Variants in ZRANB1 observed in about 807,000 individuals in gnomAD.
ZRANB1 encodes the protein ubiquitin thioesterase ZRANB1.
In ZRANB1, 16 loss-of-function variants were observed where a neutral mutation model predicts 80.5. That is an observed-to-expected ratio of 0.20 (90% CI 0.13 to 0.30). The LOEUF is 0.30. Ranked by LOEUF, ZRANB1 falls within the 10% of genes least tolerant of loss-of-function variation. The pLI, the probability that ZRANB1 is intolerant of heterozygous loss-of-function variation, is 1.00. For synonymous variants in ZRANB1, 291 were observed against 293.1 expected (o/e 0.99, Z 0.07); for missense variants, 576 against 862.6 (o/e 0.67, Z 4.16).
At position 124,984,921 on chromosome 10, in the gene ZRANB1, C is replaced by T. The variant is rs566345466; in HGVS notation, c.2056C>T (p.Arg686Cys). The T allele has an allele frequency of 6.2e-6, 10 of 1,613,750 alleles. No individual in the cohort carries two copies. The highest frequency in any genetic ancestry group is 3.3e-5 in the Admixed American group (2 of 59,966). ...TCAGATGGTAGAAAAATGGCTTGAC[C>T]GCTACCGACAGATCCGGCCGTGTAC... ...VTQMVEKWLD[R>C]YRQIRPCTSL... Residue 686 changes from arginine to cysteine, a missense_variant, in exon 9 of 9, where the codon CGC becomes TGC. Coordinates refer to ENST00000359653, the MANE Select transcript of ZRANB1 (RefSeq NM_017580.3).
chr10:124,954,368 C>G (rs1398639539), intron 1 of ZRANB1, among the ~76,000 whole-genome samples: 1 of 148,432 alleles, frequency 6.7e-6, no homozygotes, highest in African/African-American at 2.5e-5. Context: ...TAGTTTTGAA[C>G]ATTTAAAACC....
At position 124,985,634 on chromosome 10, in the gene ZRANB1, GGGTTTT is replaced by G. The variant is rs1402971866; in HGVS notation, c.*653_*658del. 2.2e-5 allele frequency: 3 copies of G among 139,468 alleles called. No individual in the cohort carries two copies. The highest frequency in any genetic ancestry group is 4.7e-5 in the Non-Finnish European group (3 of 63,430). The allele number at this position is 139,468 out of a possible 1,614,324, so 8.6% of individuals were successfully genotyped here. A position where few individuals can be genotyped will look rare whatever the true frequency, so the allele number is the denominator to read the frequency against. On this transcript the variant is annotated 3_prime_UTR_variant, in exon 9 of 9. Coordinates refer to ENST00000359653, the MANE Select transcript of ZRANB1 (RefSeq NM_017580.3). ...AGACATTGCTTACTTGTTTTGAAGA[GGGTTTT>G]GGTTTTGGTTATTGTGTCTTTAAGT...
At chr10:124,977,187 G>C (rs1044864420) in intron 5 of ZRANB1, among the ~76,000 whole-genome samples, 1 of 151,688 alleles carries the variant, frequency 6.6e-6, no homozygotes, top group African/African-American at 2.4e-5. Flanking sequence ...TGCCCAGGCT[G>C]GTCTTGAACT....
At chr10:124,934,509 G>A in the ZRANB1 span, among the ~76,000 whole-genome samples, 3 of 152,180 alleles carry the variant, frequency 2.0e-5, no homozygotes, top group African/African-American at 7.2e-5. Flanking sequence ...ACAGTGCTCT[G>A]GATGGTAGAC....
rs1177522002 is a variant in ZRANB1 at position 124,986,613 on chromosome 10, ATGC to A, written c.*1627_*1629del. 2.6e-5 allele frequency: 4 copies of A among 152,180 alleles called. No homozygotes were observed. The highest frequency in any genetic ancestry group is 7.2e-5 in the African/African-American group (3 of 41,444). The allele number at this position is 152,180 out of a possible 1,614,324, so 9.4% of individuals were successfully genotyped here. A position where few individuals can be genotyped will look rare whatever the true frequency, so the allele number is the denominator to read the frequency against. ...GAAATGAATCTTTGATATAATGTAA[ATGC>A]TGCTGTTTGTTTCAAGTGGTGAATG... On this transcript the variant is annotated 3_prime_UTR_variant, in exon 9 of 9. Transcript: ENST00000359653.
the ZRANB1 span, among the ~76,000 whole-genome samples, chr10:124,923,381 C>G: frequency 6.6e-6 from 1 of 151,746 alleles, no homozygotes. Context: ...ATCACGAGAT[C>G]AGGAGTTCGA....
intron 3 of ZRANB1, 103 bp downstream of exon 3, chr10:124,972,221 AC>A: frequency 1.9e-6 from 2 of 1,036,000 alleles, no homozygotes; most frequent in Non-Finnish European, 2.8e-6. Flanking sequence ...TAACATAGCT[AC>A]TGTATGTGCA....
the ZRANB1 span, among the ~76,000 whole-genome samples, chr10:124,917,641 C>T: frequency 6.6e-6 from 1 of 152,218 alleles, no homozygotes; most frequent in African/African-American, 2.4e-5. Context: ...CCGCAATAGG[C>T]CGTAAACACT....
chr10:124,978,712 T>C (rs1447028802), intron 5 of ZRANB1, among the ~76,000 whole-genome samples: 1 of 152,122 alleles, frequency 6.6e-6, no homozygotes, highest in African/African-American at 2.4e-5. Flanking sequence ...TGTAACCTTA[T>C]ACCTTGTGGG....
intron 2 of ZRANB1, among the ~76,000 whole-genome samples, chr10:124,969,898 C>T (rs1951807555): frequency 6.6e-6 from 1 of 152,012 alleles, no homozygotes; most frequent in Non-Finnish European, 1.5e-5. Flanking sequence ...AGGGGCACAT[C>T]CTGCTTAAGG....
At chr10:124,966,530 T>C in intron 1 of ZRANB1, 64 bp from the exon 2 acceptor site, 2 of 1,522,500 alleles carry the variant, frequency 1.3e-6, no homozygotes, top group African/African-American at 1.4e-5. Context: ...GAGTGATTGC[T>C]ACGGTTTGTG....
At chr10:124,927,538 G>A in the ZRANB1 span, among the ~76,000 whole-genome samples, 5 of 152,088 alleles carry the variant, frequency 3.3e-5, no homozygotes, top group Admixed American at 3.3e-4. Flanking sequence ...TCAGTTTTCC[G>A]AACTAACTAA....
chr10:124,922,334 A>T, the ZRANB1 span, among the ~76,000 whole-genome samples: 18 of 41,402 alleles, frequency 4.3e-4, no homozygotes, highest in Admixed American at 7.3e-4. Flanking sequence ...ATGTATATAT[A>T]TATTTTTTTT....
intron 1 of ZRANB1, among the ~76,000 whole-genome samples, chr10:124,951,732 G>A (rs1057272925): frequency 3.9e-5 from 6 of 152,100 alleles, no homozygotes; most frequent in African/African-American, 9.6e-5. Context: ...CGGGGCGGTC[G>A]GATCACTTGA....
intron 1 of ZRANB1, among the ~76,000 whole-genome samples, chr10:124,961,814 A>C (rs539476371): frequency 1.9e-4 from 29 of 152,358 alleles, no homozygotes; most frequent in African/African-American, 7.0e-4. Context: ...TATGTTATAG[A>C]TTAAATTTAA....
At chr10:124,967,323 GGGAGAGAA>G (rs1240440678) in intron 2 of ZRANB1, among the ~76,000 whole-genome samples, 2 of 152,206 alleles carry the variant, frequency 1.3e-5, no homozygotes, top group Non-Finnish European at 1.5e-5. Context: ...AAGTGGATAA[GGGAGAGAA>G]GGGAAGTTGA....
rs1301522833 is a variant in ZRANB1 at position 124,970,384 on chromosome 10, C to T, written c.1003-1581C>T. On this transcript the variant is annotated intron_variant, in intron 2 of 8. Coordinates refer to ENST00000359653, the MANE Select transcript of ZRANB1 (RefSeq NM_017580.3). ...TGATCCTCTCACCTTTCAGCCTCCC[C>T]AGTAGCTGGGACTACTGGTGCATGC... Among the ~76,000 whole-genome samples the T allele has an allele frequency of 2.6e-5, 4 of 152,120 alleles. No individual in the cohort carries two copies. The East Asian group carries it at 7.7e-4, about 29-fold the overall frequency.
the ZRANB1 span, among the ~76,000 whole-genome samples, chr10:124,922,285 TATATATATATGTAAA>T: frequency 6.0e-5 from 6 of 99,458 alleles, no homozygotes; most frequent in Non-Finnish European, 2.3e-5. Context: ...ATGTAAAATA[TATATATATATGTAAA>T]ATATATATAT....
the ZRANB1 span, among the ~76,000 whole-genome samples, chr10:124,928,289 T>G: frequency 6.6e-6 from 1 of 152,060 alleles, no homozygotes; most frequent in Admixed American, 6.6e-5. Flanking sequence ...CGCCGAAGCA[T>G]GCGGATGAGG....
Sources: allele counts gnomAD v4.1 joint callset (sites outside exome capture counted in the v4.1 genomes callset), GRCh38; gene constraint gnomAD v4.1.1; transcripts MANE v1.5; gene names NCBI Gene and HGNC (gene_info 2026-07-23, HGNC 2026-07-21).